Variants in TLE4 observed in about 807,000 individuals in gnomAD.
TLE4 encodes TLE family member 4, transcriptional corepressor.
In TLE4, 8 loss-of-function variants were observed where a neutral mutation model predicts 92.8. The observed-to-expected ratio is 0.09, with a 90% confidence interval of 0.05 to 0.16. The LOEUF is 0.16. Ranked by LOEUF, TLE4 falls within the 10% of genes least tolerant of loss-of-function variation. TLE4 has a pLI of 1.00. For missense variants in TLE4, 675 were observed against 997.6 expected (o/e 0.68, Z 4.36); for synonymous variants, 371 against 374.1 (o/e 0.99, Z 0.10).
At chr9:79,708,356 G>A in intron 12 of TLE4, 106 bp downstream of exon 12, 1 of 1,346,506 alleles carries the variant, frequency 7.4e-7, no homozygotes, top group Non-Finnish European at 1.0e-6. Flanking sequence ...AGCATTGAAT[G>A]GCTGTTAGAC....
In TLE4 at chr9:79,722,552, A is replaced by G. The variant is rs772267880; in HGVS notation, c.2088A>G (p.Gln696=). Residue 696 remains glutamine (Q), a synonymous_variant, in exon 18 of 20, where the codon CAA becomes CAG. Coordinates refer to ENST00000376552, the MANE Select transcript of TLE4 (RefSeq NM_007005.6). ...ATGTCACCAAGCCAGACAAATACCA[A>G]CTACATCTTCATGAGAGCTGTGTGC... The part of the protein sequence containing the change: ...VLHVTKPDKY[Q]LHLHESCVLS... 10 of 1,614,234 alleles carry G rather than the reference A, an allele frequency of 6.2e-6. No homozygotes were observed. Among genetic ancestry groups the G allele is most frequent in the Non-Finnish European group, 7.6e-6 (9 of 1,180,040 alleles).
At chr9:79,612,505 T>A in intron 4 of TLE4, 151 bp from the exon 5 acceptor site, 1 of 659,688 alleles carries the variant, frequency 1.5e-6, no homozygotes. Flanking sequence ...TTCCTTTTAA[T>A]GGGCTTACTG....
intron 8 of TLE4, among the ~76,000 whole-genome samples, chr9:79,691,945 G>A (rs996434956): frequency 4.6e-5 from 7 of 152,104 alleles, no homozygotes; most frequent in African/African-American, 1.7e-4. Context: ...GTGAGAACAA[G>A]GTCCCCATTC....
intron 8 of TLE4, among the ~76,000 whole-genome samples, chr9:79,704,062 A>C (rs2070773912): frequency 6.6e-6 from 1 of 152,124 alleles, no homozygotes; most frequent in South Asian, 2.1e-4. Context: ...AACAAACAAA[A>C]AAACCTGGCT....
chr9:79,636,171 G>A (rs574417145), intron 6 of TLE4, among the ~76,000 whole-genome samples: 2 of 152,182 alleles, frequency 1.3e-5, no homozygotes, highest in East Asian at 3.9e-4. Flanking sequence ...AGTGAGTGTG[G>A]TGGTGTCGTC....
chr9:79,645,400 G>A (rs1446864256), intron 6 of TLE4, among the ~76,000 whole-genome samples: 1 of 152,190 alleles, frequency 6.6e-6, no homozygotes, highest in East Asian at 1.9e-4. Flanking sequence ...AATTGGAAAT[G>A]CCCAAAATTC....
In TLE4 at chr9:79,720,377, G is replaced by GGTGTGTGT. The variant is rs71364488; in HGVS notation, c.1838+125_1838+132dup. On this transcript the variant is annotated intron_variant, in intron 16 of 19. Coordinates refer to ENST00000376552, the MANE Select transcript of TLE4 (RefSeq NM_007005.6). ...CCAAAGTGCTGTGTATATAGGTATG[G>GGTGTGTGT]GTGTGTGTGTGTGTGTGTGTGTGTG... 1.5e-4 allele frequency: 48 copies of GGTGTGTGT among 316,546 alleles called. No homozygotes were observed. In the East Asian group the frequency reaches 2.8e-3, roughly 19 times the overall value. 19.6% of individuals were successfully genotyped at this position (316,546 alleles called of 1,614,324 possible).
intron 8 of TLE4, among the ~76,000 whole-genome samples, chr9:79,682,637 G>C (rs564937628): frequency 2.0e-5 from 3 of 152,168 alleles, no homozygotes; most frequent in Admixed American, 6.5e-5. Flanking sequence ...TTCCTGTCCA[G>C]TGTCCTAGGC....
In TLE4 at chr9:79,667,585, T is replaced by G. The variant is rs567242506; in HGVS notation, c.609+13510T>G. On this transcript the variant is annotated intron_variant, in intron 8 of 19. Transcript: ENST00000376552. ...TTGACACTGTGTTTTATAGTCTGTT[T>G]ACGGATGTGTATGTTTTTAAAATAC... Among the ~76,000 whole-genome samples the G allele has an allele frequency of 2.6e-3, 389 of 152,338 alleles. 2 individuals are homozygous for G. Among genetic ancestry groups the G allele is most frequent in the African/African-American group, 8.9e-3 (372 of 41,588 alleles).
intron 8 of TLE4, chr9:79,693,715 T>C (rs368755281): frequency 8.0e-5 from 40 of 499,782 alleles, no homozygotes; most frequent in East Asian, 5.0e-4. Flanking sequence ...CAAACACTTA[T>C]GAATTGTCCT....
chr9:79,722,322 C>T, intron 17 of TLE4, 129 bp from the exon 18 acceptor site: 2 of 1,183,876 alleles, frequency 1.7e-6, no homozygotes, highest in East Asian at 5.1e-5. Context: ...TTTGGTTCTC[C>T]CCTGTACAAT....
intron 4 of TLE4, among the ~76,000 whole-genome samples, chr9:79,609,440 A>T (rs1564357514): frequency 6.6e-6 from 1 of 152,150 alleles, no homozygotes; most frequent in Admixed American, 6.6e-5. Flanking sequence ...TTGTTGGAGA[A>T]TGGTGTAAAG....
intron 4 of TLE4, among the ~76,000 whole-genome samples, chr9:79,609,423 TA>T (rs2047858050): frequency 6.6e-6 from 1 of 152,114 alleles, no homozygotes; most frequent in Admixed American, 6.6e-5. Flanking sequence ...TTATTTTATT[TA>T]TTTTTTTGTT....
intron 14 of TLE4, among the ~76,000 whole-genome samples, chr9:79,715,364 CCAT>C (rs1436764589): frequency 6.6e-6 from 1 of 152,086 alleles, no homozygotes; most frequent in African/African-American, 2.4e-5. Context: ...TTTTTCTCGG[CCAT>C]CATCCCTCAG....
chr9:79,671,265 C>T (rs953978398), intron 8 of TLE4: 3 of 456,400 alleles, frequency 6.6e-6, no homozygotes, highest in South Asian at 3.1e-5. Context: ...GAAGAACCTT[C>T]TGGGTTCCTG....
intron 8 of TLE4, among the ~76,000 whole-genome samples, chr9:79,661,726 A>C (rs1313586600): frequency 6.6e-6 from 1 of 152,256 alleles, no homozygotes; most frequent in South Asian, 2.1e-4. Flanking sequence ...TTGAATCTAA[A>C]TATTGAATAA....
intron 8 of TLE4, among the ~76,000 whole-genome samples, chr9:79,693,457 C>T (rs567859277): frequency 1.3e-5 from 2 of 152,266 alleles, no homozygotes; most frequent in South Asian, 2.1e-4. Context: ...TCCCATGCTC[C>T]TGGATACTTG....
intron 4 of TLE4, among the ~76,000 whole-genome samples, chr9:79,587,883 A>G (rs942415120): frequency 1.3e-5 from 2 of 152,208 alleles, no homozygotes; most frequent in East Asian, 1.9e-4. Context: ...GTAAAGCACT[A>G]AATGCTTCAG....
intron 8 of TLE4, among the ~76,000 whole-genome samples, chr9:79,689,884 C>T (rs1450549526): frequency 1.3e-5 from 2 of 152,160 alleles, no homozygotes; most frequent in African/African-American, 2.4e-5. Flanking sequence ...TTAAGATTGC[C>T]TGTATCCAGG....
Sources: allele counts gnomAD v4.1 joint callset (sites outside exome capture counted in the v4.1 genomes callset), GRCh38; gene constraint gnomAD v4.1.1; transcripts MANE v1.5; gene names NCBI Gene and HGNC (gene_info 2026-07-23, HGNC 2026-07-21).